TEX15: variants seen among roughly 807,000 people sequenced by gnomAD.
TEX15 encodes the protein testis-expressed protein 15.
A neutral mutation model predicts 237.3 loss-of-function variants in TEX15; 171 were observed. That is an observed-to-expected ratio of 0.72 (90% CI 0.64 to 0.82). The LOEUF is 0.82. Among genes scored for constraint, TEX15 ranks in the 40% least tolerant of loss-of-function variants. The pLI, the probability that TEX15 is intolerant of heterozygous loss-of-function variation, is 0.00. For synonymous variants in TEX15, 1,338 were observed against 1,269.8 expected, an observed-to-expected ratio of 1.05 and a Z score of -1.14; for missense variants, 3,750 against 3,646.5, an observed-to-expected ratio of 1.03 and a Z score of -0.73.
rs1410149816 is a variant in TEX15, at chr8:30,843,398, C to T, written c.6769G>A (p.Ala2257Thr). 8.7e-6 allele frequency: 14 copies of T among 1,612,834 alleles called. No individual in the cohort carries two copies. The highest frequency in any genetic ancestry group is 1.1e-5 in the Non-Finnish European group (13 of 1,179,652). Residue 2257 changes from alanine to threonine, a missense_variant, in exon 8 of 11, where the codon GCA becomes ACA. Physicochemically the swap from Ala to Thr is moderately conservative, Grantham distance 58. Coordinates refer to ENST00000643185, the MANE Select transcript of TEX15 (RefSeq NM_001350162.2). ...TAAAGAGATATTTTAACACGTACTG[C>T]CTCGTTGTTCTTAATAAAATTAACC... The part of the protein sequence containing the change: ...SKVNFIKNNE[A>T]VRVKISLYGL...
Position 30,845,198 on chromosome 8 carries a change from T to C in TEX15, c.4969A>G (p.Asn1657Asp), listed in dbSNP as rs953901211. The change falls in exon 8 of 11, where the codon AAT becomes GAT. Residue 1657 changes from asparagine (N) to aspartate (D), a missense_variant. By Grantham distance (23) the Asn-to-Asp change is conservative (BLOSUM62 1). Coordinates refer to ENST00000643185, the MANE Select transcript of TEX15 (RefSeq NM_001350162.2). Reference protein sequence around the residue: ...TDVLISVLDSNVKHFLNDLYQ... With the variant: ...TDVLISVLDSDVKHFLNDLYQ... Reference sequence around the variant, plus strand: ...AGATCATTTAAAAAGTGCTTCACATTTGAATCTAAGACTGATATAAGTACG... The same window carrying C: ...AGATCATTTAAAAAGTGCTTCACATCTGAATCTAAGACTGATATAAGTACG... 1 of 1,613,564 alleles carries C rather than the reference T, an allele frequency of 6.2e-7. No individual in the cohort carries two copies. The highest frequency in any genetic ancestry group is 8.5e-7 in the Non-Finnish European group (1 of 1,179,542).
At chr8:30,895,297 C>CA (rs34514049) in intron 2 of TEX15, among the ~76,000 whole-genome samples, 6,558 of 60,116 alleles carry the variant, frequency 0.11, 542 homozygotes, top group Non-Finnish European at 0.15. Context: ...GACTCCATCT[C>CA]AAAAAAAAAA....
chr8:30,850,799 A>G (rs1028713341), intron 7 of TEX15, among the ~76,000 whole-genome samples: 1 of 152,212 alleles, frequency 6.6e-6, no homozygotes, highest in African/African-American at 2.4e-5. Flanking sequence ...ACATAAAAGT[A>G]AAACATGATG....
intron 1 of TEX15, among the ~76,000 whole-genome samples, chr8:30,911,127 T>G (rs1457658148): frequency 6.6e-6 from 1 of 152,158 alleles, no homozygotes; most frequent in African/African-American, 2.4e-5. Context: ...CCACTTTATT[T>G]TTATTTTTTT....
At chr8:30,898,275 T>TC (rs1389087060) in intron 2 of TEX15, among the ~76,000 whole-genome samples, 16 of 152,094 alleles carry the variant, frequency 1.1e-4, no homozygotes, top group Non-Finnish European at 2.1e-4. Context: ...TATTAAGAGG[T>TC]GAGGCCTTTG....
intron 4 of TEX15, among the ~76,000 whole-genome samples, chr8:30,870,980 C>G (rs897602711): frequency 3.3e-5 from 5 of 152,022 alleles, no homozygotes; most frequent in Admixed American, 2.0e-4. Context: ...TTCCCAGCTT[C>G]TAGAAGTTAC....
At chr8:30,861,805 G>C (rs1481216790) in intron 5 of TEX15, among the ~76,000 whole-genome samples, 1 of 152,012 alleles carries the variant, frequency 6.6e-6, no homozygotes, top group Non-Finnish European at 1.5e-5. Context: ...ATATGCTTTA[G>C]TCAATAGATA....
rs1807197905 is a variant in TEX15, at chr8:30,832,220, A to T, written c.*1066T>A. 1 of 152,266 alleles carries T rather than the reference A, an allele frequency of 6.6e-6. No individual in the cohort carries two copies. The highest frequency in any genetic ancestry group is 1.5e-5 in the Non-Finnish European group (1 of 68,038). 9.4% of individuals were successfully genotyped at this position (152,266 alleles called of 1,614,324 possible). On this transcript the variant is annotated 3_prime_UTR_variant, in exon 11 of 11. Coordinates refer to ENST00000643185, the MANE Select transcript of TEX15 (RefSeq NM_001350162.2). ...CAAAGGCCTGTGCCAGATAACACAA[A>T]AAGTTTGCTTACATAAAAAGTTTGC...
chr8:30,897,977 T>C (rs1488824904), intron 2 of TEX15, among the ~76,000 whole-genome samples: 1 of 152,212 alleles, frequency 6.6e-6, no homozygotes, highest in Non-Finnish European at 1.5e-5. Context: ...TTTCTTGCCC[T>C]GCTTATGTAT....
intron 2 of TEX15, among the ~76,000 whole-genome samples, chr8:30,895,297 CAAAAAAAAAA>C (rs34514049): frequency 1.7e-5 from 1 of 60,500 alleles, no homozygotes; most frequent in South Asian, 6.5e-4. Flanking sequence ...GACTCCATCT[CAAAAAAAAAA>C]AAAAAAAAAA....
At chr8:30,869,857 T>C (rs1393240245) in intron 4 of TEX15, among the ~76,000 whole-genome samples, 1 of 152,024 alleles carries the variant, frequency 6.6e-6, no homozygotes, top group Non-Finnish European at 1.5e-5. Flanking sequence ...AGAACTAGCA[T>C]ATACAAAGTA....
At chr8:30,878,379 C>CT (rs1391891538) in intron 3 of TEX15, among the ~76,000 whole-genome samples, 1 of 151,608 alleles carries the variant, frequency 6.6e-6, no homozygotes, top group Non-Finnish European at 1.5e-5. Flanking sequence ...CAGTTGCATG[C>CT]TTATTTATTT....
chr8:30,907,715 ATAAAATTT>A (rs1809138052), intron 1 of TEX15, among the ~76,000 whole-genome samples: 2 of 143,822 alleles, frequency 1.4e-5, no homozygotes, highest in Admixed American at 1.4e-4. Flanking sequence ...TAAATTAGAT[ATAAAATTT>A]ATATATAAAT....
In TEX15 at chr8:30,867,257, ATACC is replaced by A; in HGVS notation, c.540+4_540+7del. 1 of 1,336,150 alleles carries A rather than the reference ATACC, an allele frequency of 7.5e-7. No homozygotes were observed. Among genetic ancestry groups the A allele is most frequent in the Non-Finnish European group, 1.0e-6 (1 of 967,078 alleles). 82.8% of individuals were successfully genotyped at this position (1,336,150 alleles called of 1,614,324 possible). On this transcript the variant is annotated splice_donor_5th_base_variant and intron_variant, in intron 5 of 10. Transcript: ENST00000643185. ...CCATATACTTAATATTTGTTTTATG[ATACC>A]TACCTTAAAAATTAAAATACTTTCT...
intron 10 of TEX15, 92 bp downstream of exon 10, chr8:30,836,707 CCTCT>C (rs1213800602): frequency 1.9e-5 from 21 of 1,109,358 alleles, no homozygotes; most frequent in South Asian, 1.1e-4. Flanking sequence ...GCTCTTTCTC[CCTCT>C]AACTCATCAC....
Position 30,837,351 on chromosome 8 carries a change from A to T in TEX15, c.8933T>A (p.Phe2978Tyr). Residue 2978 changes from phenylalanine (F) to tyrosine (Y), a missense_variant, in exon 10 of 11, where the codon TTT (phenylalanine) becomes TAT (tyrosine). Physicochemically the swap from Phe to Tyr is conservative, Grantham distance 22. Coordinates refer to ENST00000643185, the MANE Select transcript of TEX15 (RefSeq NM_001350162.2). Reference sequence around the variant, plus strand: ...AAGGGTTATATGCCCAGATGCTCCAAAAGTATGCACAGTATTGGGATTCAA... The same window carrying T: ...AAGGGTTATATGCCCAGATGCTCCATAAGTATGCACAGTATTGGGATTCAA... ...DTLNPNTVHTFGASGHITLNV... is the reference protein window; with the variant it reads ...DTLNPNTVHTYGASGHITLNV... 1 of 1,614,186 alleles carries T rather than the reference A, an allele frequency of 6.2e-7. No homozygotes were observed. Among genetic ancestry groups the T allele is most frequent in the South Asian group, 1.1e-5 (1 of 91,084 alleles).
chr8:30,902,548 G>A (rs1052273558), intron 1 of TEX15, among the ~76,000 whole-genome samples: 2 of 152,106 alleles, frequency 1.3e-5, no homozygotes, highest in Non-Finnish European at 2.9e-5. Flanking sequence ...ACTAACACAG[G>A]TTGCCAATTC....
intron 3 of TEX15, chr8:30,886,718 C>T (rs891647826): frequency 6.5e-6 from 1 of 152,814 alleles, no homozygotes; most frequent in Non-Finnish European, 1.5e-5. Context: ...TTCCAACTTT[C>T]TAGGCTGCCC....
rs763454047 is a variant in TEX15, at chr8:30,846,160, G to T, written c.4007C>A (p.Ser1336Tyr). The change falls in exon 8 of 11, where the codon TCT becomes TAT. Residue 1336 changes from serine to tyrosine, a missense_variant. Coordinates refer to ENST00000643185, the MANE Select transcript of TEX15 (RefSeq NM_001350162.2). ...RKRRLTSQDS[S>Y]ECFSSLSQGR... ...TTGGGATAATGAAGAGAAACACTCA[G>T]ATGAGTCTTGACTGGTTAGCCTCCT... 1.2e-6 allele frequency: 2 copies of T among 1,613,456 alleles called. No individual in the cohort carries two copies. Among genetic ancestry groups the T allele is most frequent in the Non-Finnish European group, 8.5e-7 (1 of 1,179,614 alleles).
Sources: allele counts gnomAD v4.1 joint callset (sites outside exome capture counted in the v4.1 genomes callset), GRCh38; gene constraint gnomAD v4.1.1; transcripts MANE v1.5; gene names NCBI Gene and HGNC (gene_info 2026-07-23, HGNC 2026-07-21).